The following RGS17 variants were observed in gnomAD, a reference collection of about 807,000 sequenced individuals.
RGS17 encodes the protein regulator of G protein signaling 17.
RGS17 carries 12 observed loss-of-function variants against 25.5 expected under a neutral mutation model. That is an observed-to-expected ratio of 0.47 (90% CI 0.30 to 0.76). The LOEUF (loss-of-function observed/expected upper bound fraction) is 0.76. Among genes scored for constraint, RGS17 ranks in the 30% least tolerant of loss-of-function variants. The probability of loss-of-function intolerance (pLI) is 0.07; values close to 1 mark genes in which losing one functional copy is unlikely to be tolerated. For synonymous variants in RGS17, 71 were observed against 76.9 expected, an observed-to-expected ratio of 0.92 and a Z score of 0.40; for missense variants, 196 against 242.2, an observed-to-expected ratio of 0.81 and a Z score of 1.27.
intron 1 of RGS17, among the ~76,000 whole-genome samples, chr6:153,089,254 T>C (rs1777094329): frequency 6.6e-6 from 1 of 151,806 alleles, no homozygotes; most frequent in Admixed American, 6.6e-5. Flanking sequence ...TATATATTTA[T>C]TTCTTATTAA....
At position 153,025,691 on chromosome 6, in the gene RGS17, T is replaced by C. The variant is rs1321662412; in HGVS notation, c.209+763A>G. Among the ~76,000 whole-genome samples, 3 of 119,000 alleles carry C rather than the reference T, an allele frequency of 2.5e-5. 1 individual carries two copies. The highest frequency in any genetic ancestry group is 2.5e-4 in the Admixed American group (3 of 12,006). The allele number at this position is 119,000 out of a possible 152,430, so 78.1% of individuals were successfully genotyped here. On this transcript the variant is annotated intron_variant, in intron 3 of 4. Coordinates refer to ENST00000206262, the MANE Select transcript of RGS17 (RefSeq NM_012419.5). ...ATATATAAACATATATATAAACATA[T>C]ATATAAAAACATATATATATAAACA...
chr6:153,074,106 A>G (rs980162788), intron 1 of RGS17, among the ~76,000 whole-genome samples: 5 of 152,320 alleles, frequency 3.3e-5, no homozygotes, highest in African/African-American at 1.2e-4. Flanking sequence ...TCGATATATA[A>G]AAACAAGATT....
intron 1 of RGS17, among the ~76,000 whole-genome samples, chr6:153,053,976 T>C (rs143973671): frequency 0.25 from 7,509 of 30,254 alleles, 958 homozygotes; most frequent in Non-Finnish European, 0.32. Context: ...TACATATATA[T>C]GTATATATGT....
chr6:153,043,143 A>AGAT (rs1776343252), intron 2 of RGS17, among the ~76,000 whole-genome samples: 1 of 152,228 alleles, frequency 6.6e-6, no homozygotes, highest in Non-Finnish European at 1.5e-5. Context: ...GTTCAGCACT[A>AGAT]GATGGCACCT....
chr6:153,072,615 G>A (rs944252427), intron 1 of RGS17, among the ~76,000 whole-genome samples: 1 of 152,116 alleles, frequency 6.6e-6, no homozygotes, highest in African/African-American at 2.4e-5. Context: ...AGAATTCCTA[G>A]GCAACATGAT....
At chr6:153,048,827 T>C (rs1338532249) in intron 1 of RGS17, among the ~76,000 whole-genome samples, 1 of 152,214 alleles carries the variant, frequency 6.6e-6, no homozygotes, top group Non-Finnish European at 1.5e-5. Flanking sequence ...TGTCTCCATA[T>C]AATGTATCAT....
rs1182139944 is a variant in RGS17, at chr6:153,004,674, C to A, written c.*6900G>T. ...TTCTGTTACATGGTGAAAATTCTAGCATTTTCCAGAAGTATATTATTGTAC... is the reference window on the plus strand; with the variant it reads ...TTCTGTTACATGGTGAAAATTCTAGAATTTTCCAGAAGTATATTATTGTAC... On this transcript the variant is annotated 3_prime_UTR_variant, in exon 5 of 5. Transcript: ENST00000206262. 2 of 151,842 alleles carry A rather than the reference C, an allele frequency of 1.3e-5. No individual in the cohort carries two copies. The highest frequency in any genetic ancestry group is 2.9e-5 in the Non-Finnish European group (2 of 67,938). 9.4% of individuals were successfully genotyped at this position (151,842 alleles called of 1,614,324 possible).
chr6:153,089,877 A>G (rs1327516622), intron 1 of RGS17, among the ~76,000 whole-genome samples: 1 of 152,210 alleles, frequency 6.6e-6, no homozygotes, highest in African/African-American at 2.4e-5. Context: ...TAAGTCTACC[A>G]AATGTGTTAT....
chr6:153,054,064 A>T (rs1776513790), intron 1 of RGS17, among the ~76,000 whole-genome samples: 2 of 57,418 alleles, frequency 3.5e-5, no homozygotes, highest in African/African-American at 7.6e-5. Context: ...TATAATATAT[A>T]TACATATATA....
intron 4 of RGS17, among the ~76,000 whole-genome samples, chr6:153,013,393 T>A (rs1381500102): frequency 6.6e-6 from 1 of 152,186 alleles, no homozygotes; most frequent in Middle Eastern, 3.2e-3. Flanking sequence ...CATATCTTTG[T>A]CCCTCTCCTC....
intron 1 of RGS17, among the ~76,000 whole-genome samples, chr6:153,119,906 T>C (rs1484634837): frequency 6.6e-6 from 1 of 152,206 alleles, no homozygotes. Flanking sequence ...GAATGTATAA[T>C]CTTTTTCCAC....
At chr6:153,068,875 T>C (rs1440244430) in intron 1 of RGS17, among the ~76,000 whole-genome samples, 4 of 151,952 alleles carry the variant, frequency 2.6e-5, no homozygotes, top group Non-Finnish European at 5.9e-5. Flanking sequence ...AAGATCATCA[T>C]AGAAATGCAA....
chr6:153,013,013 G>A (rs1380089820), intron 4 of RGS17, among the ~76,000 whole-genome samples: 1 of 151,958 alleles, frequency 6.6e-6, no homozygotes, highest in Admixed American at 6.6e-5. Context: ...ACATTTCTGT[G>A]GCTTAGCCAG....
chr6:153,080,644 T>C (rs1776962404), intron 1 of RGS17, among the ~76,000 whole-genome samples: 1 of 152,142 alleles, frequency 6.6e-6, no homozygotes, highest in African/African-American at 2.4e-5. Context: ...AATTTTGAAC[T>C]AAAATTTCTC....
chr6:153,039,186 G>A (rs535321900), intron 2 of RGS17, among the ~76,000 whole-genome samples: 7 of 152,016 alleles, frequency 4.6e-5, no homozygotes, highest in East Asian at 1.9e-4. Context: ...ACCGAACAAC[G>A]GGACTAGACA....
rs1420143534 is a variant in RGS17, at chr6:153,007,518, A to C, written c.*4056T>G. On this transcript the variant is annotated 3_prime_UTR_variant, in exon 5 of 5. Coordinates refer to ENST00000206262, the MANE Select transcript of RGS17 (RefSeq NM_012419.5). ...TAATTAGGCAATGTGTCAAGATCAA[A>C]GTATTCAAAATACATGTTTGATAGG... 7.9e-5 allele frequency: 12 copies of C among 152,188 alleles called. No individual in the cohort carries two copies. The highest frequency in any genetic ancestry group is 7.8e-4 in the Admixed American group (12 of 15,290). The allele number at this position is 152,188 out of a possible 1,614,324, so 9.4% of individuals were successfully genotyped here.
In RGS17 at chr6:153,009,592, AAT is replaced by A. The variant is rs1299809322; in HGVS notation, c.*1980_*1981del. On this transcript the variant is annotated 3_prime_UTR_variant, in exon 5 of 5. Coordinates refer to ENST00000206262, the MANE Select transcript of RGS17 (RefSeq NM_012419.5). ...AATAGTATTTAAATGACATGAATAAAATATGTCTTAACACACTAACACTTTCA... is the reference window on the plus strand; with the variant it reads ...AATAGTATTTAAATGACATGAATAAAATGTCTTAACACACTAACACTTTCA... The A allele has an allele frequency of 6.6e-6, 1 of 151,968 alleles. No individual in the cohort carries two copies. Among genetic ancestry groups the A allele is most frequent in the Admixed American group, 6.5e-5 (1 of 15,270 alleles). The allele number at this position is 151,968 out of a possible 1,614,324, so 9.4% of individuals were successfully genotyped here. A position where few individuals can be genotyped will look rare whatever the true frequency, so the allele number is the denominator to read the frequency against.
intron 2 of RGS17, among the ~76,000 whole-genome samples, chr6:153,040,487 G>A (rs1000431544): frequency 2.6e-5 from 4 of 151,968 alleles, no homozygotes; most frequent in African/African-American, 9.7e-5. Flanking sequence ...TTTATTACTA[G>A]ATACAGAAAT....
In RGS17 at chr6:153,110,892, G is replaced by A. The variant is rs138494754; in HGVS notation, c.-26+20232C>T. On this transcript the variant is annotated intron_variant, in intron 1 of 4. Transcript: ENST00000206262. ...CATGAGGAAATGTGCTGTGAGGAAT[G>A]GTGCACTCCGGCCTAGGTACTACAC... is the stretch of plus-strand genomic sequence containing the variant. Among the ~76,000 whole-genome samples, 349 of 152,258 alleles carry A rather than the reference G, an allele frequency of 2.3e-3. 3 individuals are homozygous for A. The highest frequency in any genetic ancestry group is 8.1e-3 in the African/African-American group (336 of 41,540).
Sources: allele counts gnomAD v4.1 joint callset (sites outside exome capture counted in the v4.1 genomes callset), GRCh38; gene constraint gnomAD v4.1.1; transcripts MANE v1.5; gene names NCBI Gene and HGNC (gene_info 2026-07-23, HGNC 2026-07-21).